Variants in KCNMB3 observed in about 807,000 individuals in gnomAD.
KCNMB3 encodes the protein calcium-activated potassium channel subunit beta-3.
Under a neutral mutation model 11.9 loss-of-function variants are expected in KCNMB3, and 18 were observed. The observed-to-expected ratio is 1.51, with a 90% CI of 1.04 to 2.23. The LOEUF (loss-of-function observed/expected upper bound fraction) is 2.23. Among genes scored for constraint, KCNMB3 ranks in the 30% most tolerant of loss-of-function variants. The pLI is 0.00. For synonymous variants in KCNMB3, 78 were observed against 119.2 expected (o/e 0.65, Z 2.25); for missense variants, 247 against 329.4 (o/e 0.75, Z 1.94).
intron 1 of KCNMB3, among the ~76,000 whole-genome samples, chr3:179,257,978 AG>A (rs1250512091): frequency 3.3e-5 from 5 of 152,116 alleles, no homozygotes; most frequent in Non-Finnish European, 7.3e-5. Flanking sequence ...TCCGCCTCGC[AG>A]GTTCAAGCGA....
At chr3:179,245,321 C>T (rs1725598588) in intron 1 of KCNMB3, among the ~76,000 whole-genome samples, 1 of 152,156 alleles carries the variant, frequency 6.6e-6, no homozygotes, top group Non-Finnish European at 1.5e-5. Context: ...TCCACATACC[C>T]ACTACTTCCA....
chr3:179,242,850 C>T lies in KCNMB3; in HGVS notation c.*54G>A, dbSNP rs1264663595. ...TTGCAGACAGGCATAATTAGGTCCT[C>T]AGTTGCAGAAATCACAGACATCTGA... On this transcript the variant is annotated 3_prime_UTR_variant, in exon 3 of 3. Transcript: ENST00000392685. 5.3e-6 allele frequency: 8 copies of T among 1,521,552 alleles called. No homozygotes were observed. In the East Asian group the frequency reaches 1.8e-4, roughly 35 times the overall value. The allele number at this position is 1,521,552 out of a possible 1,614,324, so 94.3% of individuals were successfully genotyped here.
upstream of KCNMB3, among the ~76,000 whole-genome samples, chr3:179,253,817 T>C (rs1311243596): frequency 2.6e-5 from 4 of 151,688 alleles, no homozygotes; most frequent in African/African-American, 9.7e-5. Context: ...AAAAAAAAAG[T>C]AAATAAATAA....
chr3:179,246,877 G>A (rs996820454), intron 1 of KCNMB3, among the ~76,000 whole-genome samples: 7 of 152,182 alleles, frequency 4.6e-5, no homozygotes, highest in African/African-American at 1.7e-4. Flanking sequence ...GAGCCTTTCA[G>A]GTGGAACCAG....
chr3:179,250,709 T>C (rs750935898), intron 1 of KCNMB3, 34 bp downstream of exon 1: 6 of 1,608,142 alleles, frequency 3.7e-6, no homozygotes, highest in Admixed American at 1.7e-5. Flanking sequence ...TTATCTGAAT[T>C]GGAAACTCTA....
rs112319528 is a variant in KCNMB3, at chr3:179,257,872, T to TTGTG, written c.63-6942_63-6939dup. Among the ~76,000 whole-genome samples, 705 of 90,952 alleles carry TTGTG rather than the reference T, an allele frequency of 7.8e-3. 5 individuals are homozygous for TTGTG. Among genetic ancestry groups the TTGTG allele is most frequent in the African/African-American group, 0.019 (677 of 34,760 alleles). The allele number at this position is 90,952 out of a possible 152,430, so 59.7% of individuals were successfully genotyped here. On this transcript the variant is annotated intron_variant, in intron 1 of 3. Coordinates refer to the KCNMB3 transcript ENST00000349697. ...GGGTTACAGGCATGAAAACATTGTTTTGTGTGTGTGTGTGTGTGTGTGTGT... is the reference window on the plus strand; with the variant it reads ...GGGTTACAGGCATGAAAACATTGTTTTGTGTGTGTGTGTGTGTGTGTGTGTGTGT...
rs1725827502 is a variant in KCNMB3 at position 179,251,069 on chromosome 3, T to C, written c.-79A>G. On this transcript the variant is annotated 5_prime_UTR_variant, in exon 1 of 3. Transcript: ENST00000392685. ...CGTGAGCAGGATGAATGCAACAAAA[T>C]GAAATCCCAGTTCAGAGCTTGGTGA... is the stretch of plus-strand genomic sequence containing the variant. 2 of 1,613,996 alleles carry C rather than the reference T, an allele frequency of 1.2e-6. No individual in the cohort carries two copies. The highest frequency in any genetic ancestry group is 1.1e-5 in the South Asian group (1 of 91,088).
At chr3:179,241,961 G>A (rs1031898750), downstream of KCNMB3, 10 of 154,248 alleles carry the variant, frequency 6.5e-5, 1 homozygote, top group African/African-American at 2.4e-4. Flanking sequence ...AAAGTGAAAT[G>A]AGCTTATGAA....
intron 1 of KCNMB3, among the ~76,000 whole-genome samples, chr3:179,262,098 A>T (rs1441100589): frequency 6.6e-6 from 1 of 152,198 alleles, no homozygotes; most frequent in African/African-American, 2.4e-5. Context: ...AATAGACAAA[A>T]TCCACTATCA....
chr3:179,263,744 A>G (rs1264505901), intron 1 of KCNMB3, among the ~76,000 whole-genome samples: 1 of 141,446 alleles, frequency 7.1e-6, no homozygotes, highest in Non-Finnish European at 1.5e-5. Context: ...CTCCTGCTCT[A>G]TATTAGGTTT....
At chr3:179,244,049 A>T (rs576184878) in intron 2 of KCNMB3, among the ~76,000 whole-genome samples, 2 of 152,306 alleles carry the variant, frequency 1.3e-5, no homozygotes, top group South Asian at 4.1e-4. Context: ...AATCATATGA[A>T]AGACTATTTC....
At chr3:179,262,569 G>A (rs1394028844) in intron 1 of KCNMB3, among the ~76,000 whole-genome samples, 1 of 152,248 alleles carries the variant, frequency 6.6e-6, no homozygotes, top group Non-Finnish European at 1.5e-5. Flanking sequence ...TGAGCAGGTT[G>A]CCACTGCTGG....
chr3:179,257,477 A>G (rs1277281728), intron 1 of KCNMB3, among the ~76,000 whole-genome samples: 2 of 152,212 alleles, frequency 1.3e-5, no homozygotes, highest in African/African-American at 2.4e-5. Flanking sequence ...ATGTTTCTTT[A>G]TATAGAAAAC....
At chr3:179,259,656 T>C in intron 1 of KCNMB3, 1 of 1,609,354 alleles carries the variant, frequency 6.2e-7, no homozygotes, top group Non-Finnish European at 8.5e-7. Flanking sequence ...TGTGTTCTGA[T>C]AAGTTAACTC....
upstream of KCNMB3, among the ~76,000 whole-genome samples, chr3:179,253,954 C>T (rs986842263): frequency 9.2e-5 from 14 of 152,030 alleles, no homozygotes; most frequent in Admixed American, 7.2e-4. Flanking sequence ...AACTTCTGGC[C>T]AAAGCTTAAA....
At chr3:179,262,828 C>T (rs955882491) in intron 1 of KCNMB3, among the ~76,000 whole-genome samples, 30 of 152,208 alleles carry the variant, frequency 2.0e-4, no homozygotes, top group African/African-American at 6.0e-4. Flanking sequence ...GATACAGTGT[C>T]GATTGGTGCA....
upstream of KCNMB3, among the ~76,000 whole-genome samples, chr3:179,253,506 T>TA (rs1318559126): frequency 6.6e-6 from 1 of 152,140 alleles, no homozygotes; most frequent in Non-Finnish European, 1.5e-5. Context: ...CATAAAAAAC[T>TA]AAAACATAGA....
At chr3:179,244,000 C>T (rs1725551186) in intron 2 of KCNMB3, among the ~76,000 whole-genome samples, 2 of 152,166 alleles carry the variant, frequency 1.3e-5, no homozygotes, top group Non-Finnish European at 2.9e-5. Context: ...TAATCTAACA[C>T]AACTCAACTT....
intron 1 of KCNMB3, among the ~76,000 whole-genome samples, chr3:179,257,374 C>CT (rs1726044658): frequency 6.6e-6 from 1 of 152,106 alleles, no homozygotes; most frequent in Admixed American, 6.5e-5. Flanking sequence ...TAATATGAAT[C>CT]TACATAATTT....
Sources: gnomAD v4.1 joint callset for allele counts (sites outside exome capture counted in the v4.1 genomes callset) on GRCh38, gnomAD v4.1.1 for gene constraint, MANE v1.5 for transcripts, NCBI Gene and HGNC (gene_info 2026-07-23, HGNC 2026-07-21) for gene names.